Variants in FOXP1 observed in about 807,000 individuals in gnomAD.
FOXP1 encodes the protein forkhead box P1.
In FOXP1, 15 loss-of-function variants were observed where a neutral mutation model predicts 98.2. The observed-to-expected ratio is 0.15, with a 90% CI of 0.10 to 0.24. The LOEUF (loss-of-function observed/expected upper bound fraction) is 0.24. FOXP1 is among the 10% of genes least tolerant of loss of function. The pLI is 1.00. For synonymous variants in FOXP1, 371 were observed against 314.5 expected (o/e 1.18, Z -1.90); for missense variants, 633 against 848.5 (o/e 0.75, Z 3.15).
intron 4 of FOXP1, among the ~76,000 whole-genome samples, chr3:71,324,626 G>A (rs918097599): frequency 6.6e-6 from 1 of 151,934 alleles, no homozygotes; most frequent in Non-Finnish European, 1.5e-5. Context: ...TGGGGTGGGG[G>A]GAGTGGGGAG....
chr3:71,128,855 C>T (rs1397873396), intron 6 of FOXP1, among the ~76,000 whole-genome samples: 1 of 151,170 alleles, frequency 6.6e-6, no homozygotes, highest in African/African-American at 2.4e-5. Context: ...TCTCAGAAGG[C>T]AAAAAGCCTC....
intron 5 of FOXP1, among the ~76,000 whole-genome samples, chr3:71,290,204 G>T (rs1733511): frequency 0.35 from 53,924 of 151,930 alleles, 11,555 homozygotes; most frequent in Non-Finnish European, 0.48. Context: ...TTTTAGTGAT[G>T]GGAGCACCAC....
In FOXP1 at chr3:70,977,955, T is replaced by C. The variant is rs777759399; in HGVS notation, c.1221A>G (p.Pro407=). 6.8e-6 allele frequency: 11 copies of C among 1,613,900 alleles called. No individual in the cohort carries two copies. The highest frequency in any genetic ancestry group is 9.3e-6 in the Non-Finnish European group (11 of 1,180,002). ...GAGTCAGGGGGGCGGTTGGGGTCGT[T>C]GGAGTATGAGGTAAGCTCTGTGGAG... is the stretch of plus-strand genomic sequence containing the variant. The part of the protein sequence containing the change: ...EASPQSLPHT[P]TTPTAPLTPV... The change falls in exon 15 of 21, where the codon CCA becomes CCG. Residue 407 remains proline (P), a synonymous_variant. Transcript: ENST00000649528.
At chr3:71,321,225 T>C (rs2075375166) in intron 4 of FOXP1, among the ~76,000 whole-genome samples, 1 of 152,086 alleles carries the variant, frequency 6.6e-6, no homozygotes, top group Admixed American at 6.6e-5. Context: ...TGGGCTGTGG[T>C]CTGCTTAACT....
chr3:71,164,417 T>C (rs985822681), intron 6 of FOXP1, among the ~76,000 whole-genome samples: 2 of 152,152 alleles, frequency 1.3e-5, no homozygotes, highest in African/African-American at 2.4e-5. Flanking sequence ...GCCAGGATGG[T>C]CTCGATCTCC....
Position 71,106,433 on chromosome 3 carries a change from T to A in FOXP1, c.282+6103A>T, listed in dbSNP as rs2057431898. Among the ~76,000 whole-genome samples, 2 of 152,052 alleles carry A rather than the reference T, an allele frequency of 1.3e-5. 1 individual carries two copies. Among genetic ancestry groups the A allele is most frequent in the Admixed American group, 1.3e-4 (2 of 15,276 alleles). On this transcript the variant is annotated intron_variant, in intron 7 of 20. Coordinates refer to ENST00000649528, the MANE Select transcript of FOXP1 (RefSeq NM_001349338.3). ...TCACTGCAACCTCCGCCTTCCAGGT[T>A]CAAGCGATTCTCCTGCCTCAGCCTC...
chr3:71,004,600 A>ATACT (rs1018338469), intron 12 of FOXP1, among the ~76,000 whole-genome samples: 2 of 152,174 alleles, frequency 1.3e-5, no homozygotes, highest in Non-Finnish European at 2.9e-5. Context: ...ATATAACTAA[A>ATACT]TACTTAACGT....
At position 71,300,584 on chromosome 3, in the gene FOXP1, G is replaced by A. The variant is rs138118442; in HGVS notation, c.-72-704C>T. ...CCTACTCCTGCATCTGCATACTCCCGTATGCAAAACAGTGTTTAATCCTTT... is the reference window on the plus strand; with the variant it reads ...CCTACTCCTGCATCTGCATACTCCCATATGCAAAACAGTGTTTAATCCTTT... On this transcript the variant is annotated intron_variant, in intron 4 of 20. Transcript: ENST00000649528. Among the ~76,000 whole-genome samples, 10 of 152,216 alleles carry A rather than the reference G, an allele frequency of 6.6e-5. No individual in the cohort carries two copies. In the East Asian group the frequency reaches 1.4e-3, roughly 21 times the overall value.
At chr3:71,122,413 C>T (rs997320897) in intron 6 of FOXP1, among the ~76,000 whole-genome samples, 1 of 152,088 alleles carries the variant, frequency 6.6e-6, no homozygotes, top group Non-Finnish European at 1.5e-5. Context: ...TCACTACTGG[C>T]CAAATATTAG....
intron 4 of FOXP1, among the ~76,000 whole-genome samples, chr3:71,301,989 G>A (rs1279766389): frequency 2.6e-5 from 4 of 152,092 alleles, no homozygotes; most frequent in Non-Finnish European, 5.9e-5. Context: ...AAAACAATAC[G>A]AAACTGACTA....
At chr3:71,409,423 T>C (rs1278333821) in intron 3 of FOXP1, among the ~76,000 whole-genome samples, 1 of 152,028 alleles carries the variant, frequency 6.6e-6, no homozygotes, top group South Asian at 2.1e-4. Context: ...AGTAAAGAAA[T>C]AAACAGGAGA....
chr3:71,361,378 G>A (rs2078554592), intron 3 of FOXP1, among the ~76,000 whole-genome samples: 1 of 152,230 alleles, frequency 6.6e-6, no homozygotes, highest in Admixed American at 6.5e-5. Context: ...AAAAAACTAT[G>A]AGCTGTGGAC....
At chr3:71,506,306 T>C (rs1468391988) in intron 2 of FOXP1, among the ~76,000 whole-genome samples, 5 of 152,194 alleles carry the variant, frequency 3.3e-5, no homozygotes, top group African/African-American at 1.2e-4. Context: ...GAGGTAATGA[T>C]ACTTCCTACA....
intron 3 of FOXP1, among the ~76,000 whole-genome samples, chr3:71,418,116 GGT>G (rs60973104): frequency 0.34 from 49,579 of 147,042 alleles, 8,638 homozygotes; most frequent in Non-Finnish European, 0.42. Context: ...TGTGCTTGTG[GGT>G]GTGTGTGTGT....
At chr3:71,070,962 G>C (rs990621223) in intron 7 of FOXP1, among the ~76,000 whole-genome samples, 1 of 152,150 alleles carries the variant, frequency 6.6e-6, no homozygotes, top group Non-Finnish European at 1.5e-5. Flanking sequence ...CGGGGAAGCC[G>C]GCACAGGGCT....
chr3:71,272,523 C>A (rs1020268581), intron 5 of FOXP1, among the ~76,000 whole-genome samples: 9 of 152,052 alleles, frequency 5.9e-5, no homozygotes, highest in Non-Finnish European at 1.3e-4. Flanking sequence ...AGCTTCCATG[C>A]CTGTGTCCCA....
intron 10 of FOXP1, 75 bp from the exon 11 acceptor site, chr3:71,041,607 G>A (rs1400248498): frequency 7.0e-7 from 1 of 1,438,484 alleles, no homozygotes; most frequent in Middle Eastern, 1.8e-4. Context: ...TTAAATCAAA[G>A]AGTCAGTAAA....
intron 4 of FOXP1, among the ~76,000 whole-genome samples, chr3:71,330,363 T>C (rs1214056866): frequency 6.6e-6 from 1 of 152,252 alleles, no homozygotes; most frequent in Non-Finnish European, 1.5e-5. Flanking sequence ...GTCACTTCTA[T>C]GTTTTTATAA....
chr3:71,217,874 T>C (rs1335064528), intron 5 of FOXP1, among the ~76,000 whole-genome samples: 2 of 152,186 alleles, frequency 1.3e-5, no homozygotes, highest in East Asian at 3.8e-4. Context: ...CAAACTCTAC[T>C]TCTCCCTCCA....
Sources: allele counts gnomAD v4.1 joint callset (sites outside exome capture counted in the v4.1 genomes callset), GRCh38; gene constraint gnomAD v4.1.1; transcripts MANE v1.5; gene names NCBI Gene and HGNC (gene_info 2026-07-23, HGNC 2026-07-21).